Variants in TENM2 observed in about 807,000 individuals in gnomAD.
TENM2 encodes teneurin transmembrane protein 2.
A neutral mutation model predicts 245.2 loss-of-function variants in TENM2; 52 were observed. That is an observed-to-expected ratio of 0.21 (90% confidence interval 0.17 to 0.27). The LOEUF is 0.27. Ranked by LOEUF, TENM2 falls within the 10% of genes least tolerant of loss-of-function variation. The pLI is 1.00. For synonymous variants in TENM2, 1,363 were observed against 1,438.9 expected, an observed-to-expected ratio of 0.95 and a Z score of 1.19; for missense variants, 3,046 against 3,666.8, an observed-to-expected ratio of 0.83 and a Z score of 4.37.
chr5:168,149,713 A>T (rs1328889432), intron 12 of TENM2, among the ~76,000 whole-genome samples: 1 of 152,138 alleles, frequency 6.6e-6, no homozygotes, highest in East Asian at 1.9e-4. Flanking sequence ...AACTCATGTC[A>T]GATCAGGCCA....
intron 9 of TENM2, among the ~76,000 whole-genome samples, chr5:168,099,225 A>G (rs1373822363): frequency 6.6e-6 from 1 of 151,810 alleles, no homozygotes; most frequent in East Asian, 1.9e-4. Flanking sequence ...TTTTTTTAAT[A>G]CCAGTTATTA....
At chr5:168,063,028 A>C (rs576529270) in intron 7 of TENM2, among the ~76,000 whole-genome samples, 1 of 152,232 alleles carries the variant, frequency 6.6e-6, no homozygotes, top group African/African-American at 2.4e-5. Context: ...TATGAATTTT[A>C]TCTCCAAAAA....
At chr5:167,885,018 T>G (rs573252837) in intron 3 of TENM2, among the ~76,000 whole-genome samples, 37 of 152,358 alleles carry the variant, frequency 2.4e-4, no homozygotes, top group Non-Finnish European at 3.8e-4. Flanking sequence ...TCTTTTCATG[T>G]GCTTATTGCC....
At chr5:167,394,857 A>C (rs1325221941) in intron 2 of TENM2, among the ~76,000 whole-genome samples, 1 of 152,136 alleles carries the variant, frequency 6.6e-6, no homozygotes, top group African/African-American at 2.4e-5. Flanking sequence ...TCAGCCTCCC[A>C]AAATCCTGGG....
At chr5:167,279,514 T>TTCCC in the TENM2 span, among the ~76,000 whole-genome samples, 7,673 of 98,292 alleles carry the variant, frequency 0.078, 339 homozygotes, top group East Asian at 0.19. Flanking sequence ...CCTTCCTTCC[T>TTCCC]TTCCTTCCTT....
chr5:167,169,481 G>T, the TENM2 span, among the ~76,000 whole-genome samples: 5 of 152,102 alleles, frequency 3.3e-5, no homozygotes, highest in Admixed American at 3.3e-4. Flanking sequence ...CTCTTGCCTT[G>T]GGCATGTCCC....
the TENM2 span, among the ~76,000 whole-genome samples, chr5:167,058,820 C>G: frequency 1.3e-5 from 2 of 152,168 alleles, no homozygotes; most frequent in Non-Finnish European, 2.9e-5. Flanking sequence ...GTGCACAGCT[C>G]ATCTTACTTT....
chr5:167,222,646 T>G, the TENM2 span, among the ~76,000 whole-genome samples: 1 of 152,220 alleles, frequency 6.6e-6, no homozygotes, highest in Non-Finnish European at 1.5e-5. Context: ...GATTCTCTCT[T>G]TTCTTTGGCT....
chr5:167,161,940 G>A, the TENM2 span, among the ~76,000 whole-genome samples: 2 of 151,790 alleles, frequency 1.3e-5, no homozygotes, highest in Admixed American at 1.3e-4. Flanking sequence ...AGGCTGAGGC[G>A]GGCAGATCAC....
At chr5:167,193,966 C>T in the TENM2 span, among the ~76,000 whole-genome samples, 12 of 151,938 alleles carry the variant, frequency 7.9e-5, no homozygotes, top group South Asian at 1.9e-3. Context: ...GTCTCAAAGG[C>T]GAGGCACTTT....
Position 168,227,940 on chromosome 5 carries a change from G to A in TENM2, c.5330G>A (p.Arg1777Lys), listed in dbSNP as rs1419837942. The A allele has an allele frequency of 2.5e-6, 4 of 1,613,286 alleles. No individual in the cohort carries two copies. In the East Asian group the frequency reaches 8.9e-5, roughly 36 times the overall value. The change falls in exon 25 of 29, where the codon AGG becomes AAG. Residue 1777 changes from arginine to lysine, a missense_variant. By Grantham distance (26) the Arg-to-Lys change is conservative (BLOSUM62 2). This residue lies in a region of TENM2 where 2,704 missense variants were observed against 3,331.9 expected (regional missense o/e 0.81). Transcript: ENST00000518659. ...CAGCTCTGTAATAATGGTACCCTGAGGGTGATGTATGCTAATGGGATGGGT... is the reference window on the plus strand; with the variant it reads ...CAGCTCTGTAATAATGGTACCCTGAAGGTGATGTATGCTAATGGGATGGGT...
chr5:167,818,820 C>G (rs186663838), intron 2 of TENM2, among the ~76,000 whole-genome samples: 139 of 152,286 alleles, frequency 9.1e-4, no homozygotes, highest in African/African-American at 3.3e-3. Context: ...AAAATTACAA[C>G]GCGGGTTGAA....
At chr5:167,694,511 C>A (rs1022795372) in intron 2 of TENM2, among the ~76,000 whole-genome samples, 3 of 152,186 alleles carry the variant, frequency 2.0e-5, no homozygotes, top group African/African-American at 7.2e-5. Context: ...TATATTCCTG[C>A]TTTTACATAG....
chr5:167,182,557 T>G, the TENM2 span, among the ~76,000 whole-genome samples: 2 of 152,182 alleles, frequency 1.3e-5, no homozygotes, highest in Non-Finnish European at 2.9e-5. Context: ...TTCTTTATTG[T>G]TTTTACAACA....
chr5:167,260,412 C>G, the TENM2 span, among the ~76,000 whole-genome samples: 1 of 152,140 alleles, frequency 6.6e-6, no homozygotes, highest in South Asian at 2.1e-4. Flanking sequence ...AGTTTAACCA[C>G]TATGTCACTG....
At chr5:168,094,572 G>A (rs1460382778) in intron 8 of TENM2, among the ~76,000 whole-genome samples, 1 of 151,948 alleles carries the variant, frequency 6.6e-6, no homozygotes, top group Non-Finnish European at 1.5e-5. Context: ...TCTACAGCAG[G>A]GGTCCTCAAC....
chr5:167,758,544 G>A (rs751818796), intron 2 of TENM2, among the ~76,000 whole-genome samples: 14 of 152,122 alleles, frequency 9.2e-5, no homozygotes, highest in Non-Finnish European at 7.4e-5. Flanking sequence ...CTGTATCTGA[G>A]ACAGACATTC....
intron 5 of TENM2, among the ~76,000 whole-genome samples, chr5:168,026,127 G>A (rs1429381940): frequency 6.6e-6 from 1 of 152,174 alleles, no homozygotes; most frequent in East Asian, 1.9e-4. Flanking sequence ...ATGATGTCAG[G>A]TGGGCCTCTT....
intron 4 of TENM2, among the ~76,000 whole-genome samples, chr5:167,990,449 T>G (rs1405021873): frequency 6.6e-6 from 1 of 152,224 alleles, no homozygotes; most frequent in Non-Finnish European, 1.5e-5. Context: ...ATGCTTTTCC[T>G]ACACAGTGTT....
Sources: allele counts gnomAD v4.1 joint callset (sites outside exome capture counted in the v4.1 genomes callset), GRCh38; gene constraint gnomAD v4.1.1; regional missense constraint gnomAD v4.1.1; transcripts MANE v1.5; gene names NCBI Gene and HGNC (gene_info 2026-07-23, HGNC 2026-07-21).